Variants in DRAM1 observed in about 807,000 individuals in gnomAD.
DRAM1 encodes the protein DNA damage-regulated autophagy modulator protein 1.
In DRAM1, 25 loss-of-function variants were observed where a neutral mutation model predicts 28.5. That is an observed-to-expected ratio of 0.88 (90% CI 0.64 to 1.23). The LOEUF is 1.23. Among genes scored for constraint, DRAM1 ranks in the 50% most tolerant of loss-of-function variants. The probability of loss-of-function intolerance (pLI) is 0.00; values close to 1 mark genes in which losing one functional copy is unlikely to be tolerated. For missense variants in DRAM1, 249 were observed against 299.2 expected (o/e 0.83, Z 1.24); for synonymous variants, 113 against 114.2 (o/e 0.99, Z 0.07).
chr12:101,890,939 C>T (rs548447570), intron 1 of DRAM1, among the ~76,000 whole-genome samples: 5 of 151,982 alleles, frequency 3.3e-5, no homozygotes, highest in East Asian at 1.9e-4. Context: ...TTAATAGAGA[C>T]GGGGTTTCAC....
chr12:101,891,586 C>A (rs1873127696), intron 1 of DRAM1, among the ~76,000 whole-genome samples: 1 of 152,212 alleles, frequency 6.6e-6, no homozygotes. Flanking sequence ...GCTTAACTTG[C>A]AGAAATGTAA....
intron 4 of DRAM1, among the ~76,000 whole-genome samples, chr12:101,911,776 T>A (rs1874048866): frequency 6.7e-6 from 1 of 150,114 alleles, no homozygotes; most frequent in East Asian, 2.0e-4. Context: ...TGAAATGATA[T>A]CATCAGCAAT....
intron 1 of DRAM1, among the ~76,000 whole-genome samples, chr12:101,895,201 T>TTTTTTTTTTTTTTTTTTTTG (rs1873310316): frequency 1.7e-5 from 2 of 118,884 alleles, no homozygotes; most frequent in Non-Finnish European, 3.6e-5. Context: ...TTTTTTTTTT[T>TTTTTTTTTTTTTTTTTTTTG]TTTTTTTTTT....
At chr12:101,914,757 A>G (rs1407132588) in intron 5 of DRAM1, among the ~76,000 whole-genome samples, 1 of 151,998 alleles carries the variant, frequency 6.6e-6, no homozygotes, top group Non-Finnish European at 1.5e-5. Context: ...TCCTGGGTTC[A>G]AGTGATTCTT....
rs749800547 is a variant in DRAM1, at chr12:101,908,348, G to A, written c.505G>A (p.Ala169Thr). 37 of 1,609,762 alleles carry A rather than the reference G, an allele frequency of 2.3e-5. No individual in the cohort carries two copies. The highest frequency in any genetic ancestry group is 6.7e-5 in the South Asian group (6 of 90,166). Residue 169 changes from alanine to threonine, a missense_variant, in exon 4 of 7, where the codon GCA becomes ACA. Physicochemically the swap from Ala to Thr is moderately conservative, Grantham distance 58 (BLOSUM62 0). Transcript: ENST00000258534. ...IRMVISAVSC[A>T]AVIPMIVCAS... Reference sequence around the variant, plus strand: ...GATGGTCATCTCTGCCGTTTCTTGCGCAGCTGTCATCCCCAGTATCCTTTT... The same window carrying A: ...GATGGTCATCTCTGCCGTTTCTTGCACAGCTGTCATCCCCAGTATCCTTTT...
rs1302795923 is a variant in DRAM1 at position 101,901,328 on chromosome 12, G to A, written c.237G>A (p.Gln79=). ...ATMYTRYKIV[Q]KQNQTCYFST... ...TGTATACAAGATACAAAATAGTACA[G>A]AAGCAAAATCAAACCTGCTATTTCA... The change falls in exon 3 of 7, where the codon CAG becomes CAA. Residue 79 remains glutamine (Q), a synonymous_variant. Transcript: ENST00000258534. 6.2e-7 allele frequency: 1 copy of A among 1,614,160 alleles called. No individual in the cohort carries two copies.
At chr12:101,883,298 T>C (rs968392444) in intron 1 of DRAM1, among the ~76,000 whole-genome samples, 8 of 125,498 alleles carry the variant, frequency 6.4e-5, no homozygotes, top group African/African-American at 2.4e-4. Context: ...TTTTGTTTTA[T>C]TTTTTACCCA....
chr12:101,901,587 T>A, intron 3 of DRAM1, 154 bp downstream of exon 3: 2 of 885,106 alleles, frequency 2.3e-6, no homozygotes, highest in Non-Finnish European at 3.3e-6. Context: ...TAGAAACCTT[T>A]AACATTTGGA....
chr12:101,908,510 T>C (rs762644297), intron 4 of DRAM1, 147 bp downstream of exon 4: 3 of 792,390 alleles, frequency 3.8e-6, no homozygotes, highest in Non-Finnish European at 5.9e-6. Context: ...GAATACAGCA[T>C]TGGCAAGTGC....
Position 101,881,773 on chromosome 12 carries a change from G to C in DRAM1, c.131+3853G>C, listed in dbSNP as rs148796432. On this transcript the variant is annotated intron_variant, in intron 1 of 6. Transcript: ENST00000258534. ...GCCCTGATCACCCTTTTTAAAAATTGCACCTGACCACTACTGGTCTCCATA... is the reference window on the plus strand; with the variant it reads ...GCCCTGATCACCCTTTTTAAAAATTCCACCTGACCACTACTGGTCTCCATA... Among the ~76,000 whole-genome samples the C allele has an allele frequency of 4.0e-3, 605 of 152,120 alleles. 3 individuals are homozygous for C. The highest frequency in any genetic ancestry group is 0.014 in the African/African-American group (563 of 41,496).
At chr12:101,889,180 T>C (rs571316345) in intron 1 of DRAM1, among the ~76,000 whole-genome samples, 1 of 152,164 alleles carries the variant, frequency 6.6e-6, no homozygotes, top group Non-Finnish European at 1.5e-5. Flanking sequence ...AGAACATGCA[T>C]TGAAGAGTTG....
At position 101,900,339 on chromosome 12, in the gene DRAM1, A is replaced by G. The variant is rs570654583; in HGVS notation, c.200-952A>G. Among the ~76,000 whole-genome samples, 31 of 152,362 alleles carry G rather than the reference A, an allele frequency of 2.0e-4. 1 individual carries two copies. The highest frequency in any genetic ancestry group is 1.0e-3 in the South Asian group (5 of 4,834). ...ACACAAAACGCAGAAGAATTGATAG[A>G]TATGAGTAGATTAAAAATTAAAACT... On this transcript the variant is annotated intron_variant, in intron 2 of 6. Transcript: ENST00000258534.
At chr12:101,913,456 A>G (rs1874114163) in intron 4 of DRAM1, among the ~76,000 whole-genome samples, 1 of 152,158 alleles carries the variant, frequency 6.6e-6, no homozygotes, top group Admixed American at 6.6e-5. Context: ...CTGTAATCCC[A>G]GCACTTTGGG....
At chr12:101,919,668 A>G in intron 5 of DRAM1, among the ~76,000 whole-genome samples, 1 of 152,244 alleles carries the variant, frequency 6.6e-6, no homozygotes, top group East Asian at 1.9e-4. Context: ...TAGTTGGCCA[A>G]GTTCATCTAG....
chr12:101,880,329 C>G (rs1252677316), intron 1 of DRAM1, among the ~76,000 whole-genome samples: 3 of 138,920 alleles, frequency 2.2e-5, no homozygotes, highest in Non-Finnish European at 4.5e-5. Flanking sequence ...GCTCTGTCGC[C>G]CAGGCTGGAG....
intron 3 of DRAM1, among the ~76,000 whole-genome samples, chr12:101,907,576 T>C (rs1873869759): frequency 6.6e-6 from 1 of 151,328 alleles, no homozygotes; most frequent in African/African-American, 2.4e-5. Context: ...CCGTCTCTAC[T>C]AAAAATACAA....
At chr12:101,878,785 C>T (rs536438338) in intron 1 of DRAM1, among the ~76,000 whole-genome samples, 2 of 152,112 alleles carry the variant, frequency 1.3e-5, no homozygotes, top group East Asian at 1.9e-4. Context: ...GGTTGGTGAA[C>T]GGATGATAAG....
intron 1 of DRAM1, among the ~76,000 whole-genome samples, chr12:101,880,278 CTTTTTTTTTTTTTTTT>C (rs61082909): frequency 4.3e-5 from 3 of 70,100 alleles, no homozygotes; most frequent in East Asian, 7.0e-4. Flanking sequence ...GCAATGCTTC[CTTTTTTTTTTTTTTTT>C]TTTTTTTTTT....
At chr12:101,886,378 T>C (rs752222609) in intron 1 of DRAM1, among the ~76,000 whole-genome samples, 24 of 152,158 alleles carry the variant, frequency 1.6e-4, no homozygotes, top group Admixed American at 8.5e-4. Flanking sequence ...ACTTCATTAT[T>C]AACATGAACT....
Sources: gnomAD v4.1 joint callset for allele counts (sites outside exome capture counted in the v4.1 genomes callset) on GRCh38, gnomAD v4.1.1 for gene constraint, MANE v1.5 for transcripts, NCBI Gene and HGNC (gene_info 2026-07-23, HGNC 2026-07-21) for gene names.